DLGAP1: variants seen among roughly 807,000 people sequenced by gnomAD.
DLGAP1 encodes DLG associated protein 1, also known as disks large-associated protein 1.
In DLGAP1, 11 loss-of-function variants were observed where a neutral mutation model predicts 90.8. The observed-to-expected ratio is 0.12, with a 90% CI of 0.08 to 0.20. The LOEUF (loss-of-function observed/expected upper bound fraction) is 0.20, where lower values mean the gene tolerates loss of function less well. Ranked by LOEUF, DLGAP1 falls within the 10% of genes least tolerant of loss-of-function variation. The pLI, the probability that DLGAP1 is intolerant of heterozygous loss-of-function variation, is 1.00. For missense variants in DLGAP1, 1,050 were observed against 1,333.8 expected (o/e 0.79, Z 3.31); for synonymous variants, 558 against 540.7 (o/e 1.03, Z -0.44).
chr18:3,997,498 G>C (rs889561495), intron 3 of DLGAP1, among the ~76,000 whole-genome samples: 14 of 151,902 alleles, frequency 9.2e-5, no homozygotes, highest in African/African-American at 1.2e-4. Flanking sequence ...TAAAGCCTGA[G>C]TTTTACTGTT....
intron 7 of DLGAP1, among the ~76,000 whole-genome samples, chr18:3,721,241 A>G (rs1568013537): frequency 6.6e-6 from 1 of 152,202 alleles, no homozygotes; most frequent in African/African-American, 2.4e-5. Flanking sequence ...ACATTAGTTT[A>G]GTATTTTTTT....
At chr18:3,933,281 G>A (rs1418867795) in intron 3 of DLGAP1, among the ~76,000 whole-genome samples, 1 of 152,182 alleles carries the variant, frequency 6.6e-6, no homozygotes, top group Non-Finnish European at 1.5e-5. Context: ...TAGTGCGGTG[G>A]GAAAATGGAT....
chr18:4,441,755 T>C (rs1598427548), intron 1 of DLGAP1, among the ~76,000 whole-genome samples: 1 of 152,204 alleles, frequency 6.6e-6, no homozygotes, highest in East Asian at 1.9e-4. Flanking sequence ...CAGAGGAGGG[T>C]ATATCTTGCA....
chr18:4,214,737 C>T (rs896091100), intron 1 of DLGAP1, among the ~76,000 whole-genome samples: 1 of 152,038 alleles, frequency 6.6e-6, no homozygotes, highest in African/African-American at 2.4e-5. Flanking sequence ...TAAATGTAGC[C>T]AGGGGACTAG....
chr18:3,677,903 C>T (rs960575827), intron 7 of DLGAP1, among the ~76,000 whole-genome samples: 2 of 149,776 alleles, frequency 1.3e-5, no homozygotes, highest in African/African-American at 4.9e-5. Context: ...AAGTGATCTG[C>T]CTGCCTCAGC....
intron 1 of DLGAP1, among the ~76,000 whole-genome samples, chr18:4,306,606 TAAATC>T (rs2080271214): frequency 6.6e-6 from 1 of 152,118 alleles, no homozygotes; most frequent in African/African-American, 2.4e-5. Flanking sequence ...TTCCAAAAAT[TAAATC>T]TAATTTTAGA....
intron 4 of DLGAP1, among the ~76,000 whole-genome samples, chr18:3,828,312 G>C (rs1260269294): frequency 6.6e-6 from 1 of 152,110 alleles, no homozygotes; most frequent in African/African-American, 2.4e-5. Flanking sequence ...ATCAGCCTCT[G>C]GGGGCCAGGG....
intron 2 of DLGAP1, among the ~76,000 whole-genome samples, chr18:4,134,664 T>C (rs913644125): frequency 1.1e-3 from 170 of 152,280 alleles, no homozygotes; most frequent in African/African-American, 3.8e-3. Context: ...AGCTTGTTGA[T>C]TCCCAAAGGA....
intron 1 of DLGAP1, among the ~76,000 whole-genome samples, chr18:4,170,507 G>T (rs2077004746): frequency 6.6e-6 from 1 of 152,014 alleles, no homozygotes; most frequent in African/African-American, 2.4e-5. Context: ...CAAGAATACA[G>T]TAGGGCCTGA....
intron 3 of DLGAP1, among the ~76,000 whole-genome samples, chr18:3,985,248 T>C (rs919838456): frequency 6.6e-6 from 1 of 152,212 alleles, no homozygotes; most frequent in Non-Finnish European, 1.5e-5. Context: ...ATGTGATTTA[T>C]GTTATTGCTT....
intron 1 of DLGAP1, among the ~76,000 whole-genome samples, chr18:4,323,455 C>T (rs2080745048): frequency 6.6e-6 from 1 of 152,138 alleles, no homozygotes; most frequent in Non-Finnish European, 1.5e-5. Flanking sequence ...GAATTGAAAT[C>T]AGTGTGCTGA....
At chr18:3,723,215 G>A (rs2062039269) in intron 7 of DLGAP1, among the ~76,000 whole-genome samples, 2 of 152,178 alleles carry the variant, frequency 1.3e-5, no homozygotes, top group African/African-American at 4.8e-5. Context: ...ACAGATAGCA[G>A]GTAAACAAAT....
At chr18:3,621,760 T>G (rs990385408) in intron 7 of DLGAP1, among the ~76,000 whole-genome samples, 1 of 152,220 alleles carries the variant, frequency 6.6e-6, no homozygotes, top group Non-Finnish European at 1.5e-5. Context: ...TTTGTTAAGC[T>G]TAATTTGGCT....
chr18:4,429,651 C>T (rs954863800), intron 1 of DLGAP1, among the ~76,000 whole-genome samples: 1 of 152,108 alleles, frequency 6.6e-6, no homozygotes, highest in Non-Finnish European at 1.5e-5. Context: ...GGCAATACCA[C>T]GTAGCAAAAC....
intron 2 of DLGAP1, among the ~76,000 whole-genome samples, chr18:4,054,701 T>C (rs1198448952): frequency 6.6e-6 from 1 of 152,238 alleles, no homozygotes; most frequent in Non-Finnish European, 1.5e-5. Flanking sequence ...CTACAGGTGC[T>C]AATCTAAATT....
chr18:4,396,164 A>G (rs1216389558), intron 1 of DLGAP1, among the ~76,000 whole-genome samples: 2 of 152,216 alleles, frequency 1.3e-5, no homozygotes, highest in Non-Finnish European at 2.9e-5. Context: ...CAAATTTAAC[A>G]TTCAATCCCC....
At position 3,502,654 on chromosome 18, in the gene DLGAP1, G is replaced by A. The variant is rs752476638; in HGVS notation, c.2572-9C>T. 1.3e-6 allele frequency: 2 copies of A among 1,599,460 alleles called. No individual in the cohort carries two copies. Among genetic ancestry groups the A allele is most frequent in the Non-Finnish European group, 1.7e-6 (2 of 1,175,726 alleles). On this transcript the variant is annotated splice_polypyrimidine_tract_variant and intron_variant, in intron 11 of 12. Coordinates refer to ENST00000315677, the MANE Select transcript of DLGAP1 (RefSeq NM_004746.4). The stretch of plus-strand genomic sequence containing the variant: ...GGATGAGCATTAGGATTCTGCACAA[G>A]AGAAAGAAAAACATTCATGCTTTAG...
intron 9 of DLGAP1, among the ~76,000 whole-genome samples, chr18:3,555,310 G>C (rs1167643938): frequency 6.6e-6 from 1 of 152,160 alleles, no homozygotes. Context: ...GTTTTGGAAA[G>C]CTAAGTACTA....
chr18:4,247,054 G>T (rs753609704), intron 1 of DLGAP1, among the ~76,000 whole-genome samples: 3 of 152,164 alleles, frequency 2.0e-5, no homozygotes, highest in African/African-American at 4.8e-5. Flanking sequence ...TGAATTGGAG[G>T]AGTAGTAGTA....
Sources: gnomAD v4.1 joint callset for allele counts (sites outside exome capture counted in the v4.1 genomes callset) on GRCh38, gnomAD v4.1.1 for gene constraint, MANE v1.5 for transcripts, NCBI Gene and HGNC (gene_info 2026-07-23, HGNC 2026-07-21) for gene names.